The following NRG3 variants were observed in gnomAD, a reference collection of about 807,000 sequenced individuals.
The protein encoded by NRG3 is pro-neuregulin-3, membrane-bound isoform.
Under a neutral mutation model 66.9 loss-of-function variants are expected in NRG3, and 31 were observed. The observed-to-expected ratio is 0.46, with a 90% CI of 0.35 to 0.63. The LOEUF is 0.63. Among genes scored for constraint, NRG3 ranks in the 20% least tolerant of loss-of-function variants. NRG3 has a pLI of 0.00. For synonymous variants in NRG3, 393 were observed against 359.4 expected (o/e 1.09, Z -1.06); for missense variants, 910 against 878.9 (o/e 1.04, Z -0.45).
intron 2 of NRG3, among the ~76,000 whole-genome samples, chr10:82,365,992 G>C (rs1268369864): frequency 6.6e-6 from 1 of 152,106 alleles, no homozygotes; most frequent in African/African-American, 2.4e-5. Flanking sequence ...ACACAAATTT[G>C]TTTATTTAAA....
intron 1 of NRG3, among the ~76,000 whole-genome samples, chr10:81,966,074 G>A (rs1410022004): frequency 2.0e-5 from 3 of 151,524 alleles, no homozygotes; most frequent in African/African-American, 4.8e-5. Flanking sequence ...GCTTTTTCTT[G>A]TACTAAGAGC....
chr10:82,704,162 C>A (rs1282777987), intron 2 of NRG3, among the ~76,000 whole-genome samples: 1 of 152,210 alleles, frequency 6.6e-6, no homozygotes, highest in East Asian at 1.9e-4. Flanking sequence ...ATGTTAGAAC[C>A]TTGAGCAATG....
At chr10:82,969,571 CTG>C (rs956258899) in intron 6 of NRG3, among the ~76,000 whole-genome samples, 1 of 152,206 alleles carries the variant, frequency 6.6e-6, no homozygotes, top group Non-Finnish European at 1.5e-5. Context: ...TATAGGTCCA[CTG>C]TGAAAAATTC....
chr10:82,069,625 A>C (rs2064686949), intron 1 of NRG3, among the ~76,000 whole-genome samples: 1 of 152,196 alleles, frequency 6.6e-6, no homozygotes, highest in African/African-American at 2.4e-5. Flanking sequence ...ACTCATTTAA[A>C]ATTGGTATTT....
chr10:81,963,125 CTTTTTT>C (rs777026850), intron 1 of NRG3, among the ~76,000 whole-genome samples: 40 of 70,104 alleles, frequency 5.7e-4, no homozygotes, highest in African/African-American at 2.1e-3. Flanking sequence ...CACGAGGGCT[CTTTTTT>C]TTTTTTTTTT....
chr10:82,757,753 A>G (rs2059137132), intron 3 of NRG3, among the ~76,000 whole-genome samples: 1 of 152,126 alleles, frequency 6.6e-6, no homozygotes, highest in Non-Finnish European at 1.5e-5. Context: ...GAGAAACGAA[A>G]GTCTGCTAGA....
At chr10:81,962,808 G>C (rs983709651) in intron 1 of NRG3, among the ~76,000 whole-genome samples, 3 of 152,142 alleles carry the variant, frequency 2.0e-5, no homozygotes, top group African/African-American at 7.2e-5. Context: ...GCTCTCACAT[G>C]GCATCCCATC....
At chr10:82,803,832 C>G (rs534754333) in intron 3 of NRG3, among the ~76,000 whole-genome samples, 12 of 152,254 alleles carry the variant, frequency 7.9e-5, no homozygotes, top group African/African-American at 2.6e-4. Flanking sequence ...TTTGAACACA[C>G]GAAGTAGTCC....
chr10:82,432,479 T>G (rs2089882489), intron 2 of NRG3, among the ~76,000 whole-genome samples: 1 of 149,880 alleles, frequency 6.7e-6, no homozygotes, highest in East Asian at 2.0e-4. Context: ...ACCACATTTT[T>G]TTTCTGTATT....
chr10:81,922,789 C>G (rs1846380488), intron 1 of NRG3, among the ~76,000 whole-genome samples: 1 of 145,392 alleles, frequency 6.9e-6, no homozygotes, highest in Non-Finnish European at 1.5e-5. Flanking sequence ...AATGATTGTT[C>G]TTAAAAATAT....
chr10:82,594,373 T>C (rs2047151585), intron 2 of NRG3, among the ~76,000 whole-genome samples: 1 of 152,202 alleles, frequency 6.6e-6, no homozygotes, highest in Admixed American at 6.5e-5. Flanking sequence ...ATAAGTTTTT[T>C]GTGTTCTCTA....
chr10:82,827,564 G>A (rs1431247719), intron 3 of NRG3, among the ~76,000 whole-genome samples: 5 of 152,146 alleles, frequency 3.3e-5, no homozygotes, highest in Non-Finnish European at 7.3e-5. Context: ...GAAGCAAAGG[G>A]TGGACTTTTA....
At chr10:82,856,615 G>A (rs574131473) in intron 3 of NRG3, among the ~76,000 whole-genome samples, 13 of 151,736 alleles carry the variant, frequency 8.6e-5, no homozygotes, top group African/African-American at 1.7e-4. Context: ...CATGGTGGCC[G>A]TGCCTGTAAT....
intron 4 of NRG3, among the ~76,000 whole-genome samples, chr10:82,935,819 A>G (rs574355074): frequency 2.0e-5 from 3 of 152,066 alleles, no homozygotes; most frequent in African/African-American, 7.2e-5. Flanking sequence ...AGAAACAATG[A>G]TAAATGAGCC....
chr10:81,969,789 G>T (rs1241355738), intron 1 of NRG3, among the ~76,000 whole-genome samples: 1 of 152,062 alleles, frequency 6.6e-6, no homozygotes, highest in Non-Finnish European at 1.5e-5. Context: ...GTGTGTGTGT[G>T]TGTGTGTGTG....
chr10:81,964,909 T>C (rs2059674404), intron 1 of NRG3, among the ~76,000 whole-genome samples: 1 of 152,242 alleles, frequency 6.6e-6, no homozygotes, highest in Non-Finnish European at 1.5e-5. Flanking sequence ...CATTTTATTA[T>C]GGATACCATA....
intron 4 of NRG3, among the ~76,000 whole-genome samples, chr10:82,946,493 C>A (rs1849035289): frequency 6.6e-6 from 1 of 151,562 alleles, no homozygotes; most frequent in Non-Finnish European, 1.5e-5. Flanking sequence ...GAGCTGAGAC[C>A]ATACCACTGC....
intron 2 of NRG3, among the ~76,000 whole-genome samples, chr10:82,361,084 A>G (rs1042125597): frequency 2.0e-5 from 3 of 152,222 alleles, no homozygotes; most frequent in Non-Finnish European, 4.4e-5. Context: ...ATTTTTGTAG[A>G]TAAATTCAGT....
chr10:82,221,304 A>G (rs2075933010), intron 1 of NRG3, among the ~76,000 whole-genome samples: 3 of 151,738 alleles, frequency 2.0e-5, no homozygotes, highest in Non-Finnish European at 2.9e-5. Context: ...TGTAAAAGTC[A>G]AAAGCAGTCA....
Sources: allele counts gnomAD v4.1 joint callset (sites outside exome capture counted in the v4.1 genomes callset), GRCh38; gene constraint gnomAD v4.1.1; transcripts MANE v1.5; gene names NCBI Gene and HGNC (gene_info 2026-07-23, HGNC 2026-07-21).